PPFIA2: variants seen among roughly 807,000 people sequenced by gnomAD.
PPFIA2 encodes the protein PPFI scaffold protein A2, also known as liprin-alpha-2.
Under a neutral mutation model 175.5 loss-of-function variants are expected in PPFIA2, and 46 were observed. The ratio of observed to expected loss-of-function variants is 0.26; its 90% confidence interval spans 0.21 to 0.34. PPFIA2 has a LOEUF of 0.34. Among genes scored for constraint, PPFIA2 ranks in the 10% least tolerant of loss-of-function variants. PPFIA2 has a pLI of 1.00. For missense variants in PPFIA2, 1,179 were observed against 1,506.1 expected (o/e 0.78, Z 3.60); for synonymous variants, 568 against 511.4 (o/e 1.11, Z -1.49).
At chr12:81,308,654 C>T (rs1209825821) in intron 22 of PPFIA2, among the ~76,000 whole-genome samples, 2 of 152,130 alleles carry the variant, frequency 1.3e-5, no homozygotes, top group Non-Finnish European at 2.9e-5. Flanking sequence ...AAGTGGCATA[C>T]ATTTATTTGA....
chr12:81,670,111 G>GT (rs1172763626), intron 4 of PPFIA2, among the ~76,000 whole-genome samples: 5 of 151,872 alleles, frequency 3.3e-5, no homozygotes, highest in African/African-American at 1.2e-4. Flanking sequence ...GTTTGTAAGA[G>GT]TGATAGAGGG....
At chr12:81,398,146 G>A (rs999463891) in intron 8 of PPFIA2, among the ~76,000 whole-genome samples, 2 of 152,016 alleles carry the variant, frequency 1.3e-5, no homozygotes, top group African/African-American at 4.8e-5. Flanking sequence ...TGGAAAAATT[G>A]TCTTCCACAA....
intron 24 of PPFIA2, among the ~76,000 whole-genome samples, chr12:81,286,518 G>A (rs2043457725): frequency 6.6e-6 from 1 of 151,958 alleles, no homozygotes; most frequent in South Asian, 2.1e-4. Context: ...GTATCATGCT[G>A]TGCAGGTTTG....
At chr12:81,438,276 T>C (rs1462105569) in intron 7 of PPFIA2, among the ~76,000 whole-genome samples, 2 of 152,208 alleles carry the variant, frequency 1.3e-5, no homozygotes, top group Non-Finnish European at 2.9e-5. Flanking sequence ...AAGACCAGCC[T>C]GACCAACATG....
At chr12:81,755,569 A>G (rs1026946717) in intron 2 of PPFIA2, among the ~76,000 whole-genome samples, 8 of 152,338 alleles carry the variant, frequency 5.3e-5, no homozygotes, top group Non-Finnish European at 1.0e-4. Flanking sequence ...GTGAGTCTTC[A>G]TATAAATTGG....
At chr12:81,305,811 G>T (rs2048999589) in intron 22 of PPFIA2, among the ~76,000 whole-genome samples, 1 of 152,100 alleles carries the variant, frequency 6.6e-6, no homozygotes, top group Non-Finnish European at 1.5e-5. Flanking sequence ...CAACTATATT[G>T]GAATGGTAAA....
rs186371433 is a variant in PPFIA2, at chr12:81,331,118, G to A, written c.2549-5248C>T. ...TAGAGGTAGAAAAATACAGTCATGC[G>A]CCACATAAAGACCTTTCTGTTAATG... is the stretch of plus-strand genomic sequence containing the variant. On this transcript the variant is annotated intron_variant, in intron 21 of 32. Transcript: ENST00000549396. Among the ~76,000 whole-genome samples the A allele has an allele frequency of 7.0e-4, 107 of 152,312 alleles. 1 individual carries two copies. Among genetic ancestry groups the A allele is most frequent in the African/African-American group, 2.5e-3 (106 of 41,572 alleles).
At chr12:81,329,717 A>G (rs2055693435) in intron 21 of PPFIA2, among the ~76,000 whole-genome samples, 1 of 152,192 alleles carries the variant, frequency 6.6e-6, no homozygotes, top group African/African-American at 2.4e-5. Flanking sequence ...GTAGAGTGTC[A>G]AAGAAAACCC....
chr12:81,362,858 T>A, intron 14 of PPFIA2, 74 bp from the exon 15 acceptor site: 1 of 902,128 alleles, frequency 1.1e-6, no homozygotes, highest in Non-Finnish European at 1.7e-6. Context: ...GTCTTAATGA[T>A]TTTTTTTAAA....
intron 4 of PPFIA2, among the ~76,000 whole-genome samples, chr12:81,624,276 C>T (rs2062416145): frequency 6.6e-6 from 1 of 151,298 alleles, no homozygotes; most frequent in Admixed American, 6.6e-5. Flanking sequence ...TACAGTTAAT[C>T]TCTATATACT....
At chr12:81,506,527 C>G (rs898781632) in intron 4 of PPFIA2, among the ~76,000 whole-genome samples, 6 of 152,154 alleles carry the variant, frequency 3.9e-5, no homozygotes, top group Non-Finnish European at 5.9e-5. Context: ...TTGGTATATA[C>G]AAAGGATACA....
chr12:81,590,473 T>A (rs948404660), intron 4 of PPFIA2, among the ~76,000 whole-genome samples: 2 of 152,140 alleles, frequency 1.3e-5, no homozygotes, highest in African/African-American at 4.8e-5. Flanking sequence ...TTTTTCTTTT[T>A]TATTTTCTTT....
At chr12:81,700,824 A>G (rs1428439638) in intron 3 of PPFIA2, among the ~76,000 whole-genome samples, 1 of 152,152 alleles carries the variant, frequency 6.6e-6, no homozygotes, top group Non-Finnish European at 1.5e-5. Flanking sequence ...TAAATAAATC[A>G]GTTGGTTATA....
intron 22 of PPFIA2, among the ~76,000 whole-genome samples, chr12:81,307,788 G>T (rs2049669846): frequency 6.6e-6 from 1 of 152,196 alleles, no homozygotes; most frequent in African/African-American, 2.4e-5. Flanking sequence ...TCACAATCTG[G>T]CTGTCTCCCT....
intron 4 of PPFIA2, among the ~76,000 whole-genome samples, chr12:81,499,769 A>G (rs916287069): frequency 2.0e-4 from 31 of 152,124 alleles, no homozygotes; most frequent in African/African-American, 7.5e-4. Flanking sequence ...TAAATCATTC[A>G]TACCACCTCA....
chr12:81,358,164 T>C lies in PPFIA2; in HGVS notation c.1691A>G (p.Asp564Gly). The C allele has an allele frequency of 1.3e-6, 2 of 1,597,538 alleles. No individual in the cohort carries two copies. Among genetic ancestry groups the C allele is most frequent in the Non-Finnish European group, 1.7e-6 (2 of 1,171,358 alleles). The change falls in exon 16 of 33, where the codon GAC becomes GGC. Residue 564 changes from aspartate to glycine, a missense_variant. By Grantham distance (94) the Asp-to-Gly change is moderately conservative. Transcript: ENST00000549396. ...AGTTGTTCTGTAATCAGACTGGCTG[T>C]CCACTAGGGATCCCACTGAGTACCG... The part of the protein sequence containing the change: ...ELRYSVGSLV[D>G]SQSDYRTTKV...
chr12:81,273,450 T>C (rs543135897), intron 28 of PPFIA2, among the ~76,000 whole-genome samples: 12 of 152,308 alleles, frequency 7.9e-5, no homozygotes, highest in African/African-American at 2.4e-4. Context: ...CCCTCTTAAT[T>C]GGTTTCTACT....
intron 22 of PPFIA2, among the ~76,000 whole-genome samples, chr12:81,303,177 G>A (rs1196789921): frequency 6.6e-6 from 1 of 152,168 alleles, no homozygotes; most frequent in Non-Finnish European, 1.5e-5. Flanking sequence ...TCAAGTGACA[G>A]TTCATCCAGA....
chr12:81,391,970 A>T (rs1198594286), intron 8 of PPFIA2, among the ~76,000 whole-genome samples: 3 of 151,908 alleles, frequency 2.0e-5, no homozygotes, highest in Non-Finnish European at 4.4e-5. Context: ...TCATTTTAAG[A>T]CTGGCTTTTG....
Sources: allele counts gnomAD v4.1 joint callset (sites outside exome capture counted in the v4.1 genomes callset), GRCh38; gene constraint gnomAD v4.1.1; transcripts MANE v1.5; gene names NCBI Gene and HGNC (gene_info 2026-07-23, HGNC 2026-07-21).